Variants in CELSR1 observed in about 807,000 individuals in gnomAD.
CELSR1 encodes cadherin EGF LAG seven-pass G-type receptor 1.
A neutral mutation model predicts 249.1 loss-of-function variants in CELSR1; 110 were observed. The ratio of observed to expected loss-of-function variants is 0.44; its 90% CI spans 0.38 to 0.52. CELSR1 has a LOEUF of 0.52. Ranked by LOEUF, CELSR1 falls within the 20% of genes least tolerant of loss-of-function variation. The pLI is 0.00. For missense variants in CELSR1, 4,109 were observed against 4,296.4 expected, an observed-to-expected ratio of 0.96 and a Z score of 1.22; for synonymous variants, 2,113 against 1,900.0, an observed-to-expected ratio of 1.11 and a Z score of -2.92.
chr22:46,365,771 C>A, intron 30 of CELSR1, 82 bp from the exon 31 acceptor site: 1 of 1,029,214 alleles, frequency 9.7e-7, no homozygotes, highest in South Asian at 1.5e-5. Flanking sequence ...AGATTCTCTG[C>A]CCCTACCCCT....
At chr22:46,383,540 C>T (rs8138097) in intron 20 of CELSR1, among the ~76,000 whole-genome samples, 7 of 152,008 alleles carry the variant, frequency 4.6e-5, no homozygotes, top group Non-Finnish European at 4.4e-5. Context: ...AGCTTTCCCC[C>T]CAACCAGACA....
At chr22:46,378,773 C>G in intron 22 of CELSR1, 56 bp from the exon 23 acceptor site, 1 of 1,572,936 alleles carries the variant, frequency 6.4e-7, no homozygotes, top group South Asian at 1.1e-5. Flanking sequence ...GCCCATGAGT[C>G]TGTAAAGGGC....
At chr22:46,463,630 A>T in intron 2 of CELSR1, 77 bp downstream of exon 2, 1 of 1,407,574 alleles carries the variant, frequency 7.1e-7, no homozygotes. Context: ...GGAAGTAAAC[A>T]GAGGAAACCA....
rs754255878 is a variant in CELSR1 at position 46,535,719 on chromosome 22, C to A, written c.1452G>T (p.Thr484=). The A allele has an allele frequency of 1.6e-5, 26 of 1,612,756 alleles. No individual in the cohort carries two copies. Among genetic ancestry groups the A allele is most frequent in the African/African-American group, 2.7e-5 (2 of 75,060 alleles). Residue 484 remains threonine (T), a synonymous_variant, in exon 1 of 35, where the codon ACG becomes ACT. Coordinates refer to ENST00000674500, the MANE Select transcript of CELSR1 (RefSeq NM_001378328.1). The part of the protein sequence containing the change: ...LNTAVLRVQA[T]DRDQGQNAAI... ...CCGCGTTCTGGCCCTGGTCCCGGTCCGTGGCCTGCACTCGCAGCACAGCCG... is the reference window on the plus strand; with the variant it reads ...CCGCGTTCTGGCCCTGGTCCCGGTCAGTGGCCTGCACTCGCAGCACAGCCG...
At chr22:46,397,641 T>C (rs2079163732) in intron 12 of CELSR1, 33 bp downstream of exon 12, 3 of 1,423,264 alleles carry the variant, frequency 2.1e-6, no homozygotes, top group Non-Finnish European at 2.8e-6. Flanking sequence ...GAGACCTCCC[T>C]GTCACTGAAG....
At chr22:46,496,763 C>G (rs575075861) in intron 1 of CELSR1, among the ~76,000 whole-genome samples, 2 of 152,022 alleles carry the variant, frequency 1.3e-5, no homozygotes, top group Non-Finnish European at 2.9e-5. Flanking sequence ...TCAGAGGCAG[C>G]AGCACACAGG....
chr22:46,536,116 A>T lies in CELSR1; in HGVS notation c.1055T>A (p.Val352Asp). ...LVKDTNDHSP[V>D]FEQSEYRERV... ...CTCGCGGTACTCCGACTGCTCGAAG[A>T]CCGGGCTGTGGTCGTTGGTGTCTTT... Residue 352 changes from valine to aspartate, a missense_variant, in exon 1 of 35, where the codon GTC (valine) becomes GAC (aspartate). By Grantham distance (152) the Val-to-Asp change is radical. Coordinates refer to ENST00000674500, the MANE Select transcript of CELSR1 (RefSeq NM_001378328.1). 1 of 1,612,568 alleles carries T rather than the reference A, an allele frequency of 6.2e-7. No individual in the cohort carries two copies. Among genetic ancestry groups the T allele is most frequent in the Non-Finnish European group, 8.5e-7 (1 of 1,179,986 alleles).
At chr22:46,501,879 T>C (rs1215999732) in intron 1 of CELSR1, among the ~76,000 whole-genome samples, 1 of 152,176 alleles carries the variant, frequency 6.6e-6, no homozygotes, top group African/African-American at 2.4e-5. Context: ...TCATCTGATC[T>C]GCACCCTCCA....
intron 9 of CELSR1, among the ~76,000 whole-genome samples, chr22:46,400,175 C>G (rs933758598): frequency 2.7e-5 from 4 of 149,234 alleles, no homozygotes; most frequent in African/African-American, 9.9e-5. Context: ...ACTAAAAATA[C>G]AAAAATTAGC....
At position 46,364,247 on chromosome 22, in the gene CELSR1, G is replaced by A. The variant is rs1213994893; in HGVS notation, c.8784C>T (p.Ile2928=). The change falls in exon 34 of 35, where the codon ATC becomes ATT. Residue 2928 remains isoleucine, a synonymous_variant. Transcript: ENST00000674500. ...SSQPPEQRKG[I]LKNKVTYPPP... is the part of the protein sequence containing the mutation. ...GCGGGTAGGTGACTTTATTTTTCAA[G>A]ATGCCTGGGAGGAGGAGACACGGCA... 6.2e-7 allele frequency: 1 copy of A among 1,607,924 alleles called. No individual in the cohort carries two copies. The highest frequency in any genetic ancestry group is 8.5e-7 in the Non-Finnish European group (1 of 1,179,586).
rs1005973712 is a variant in CELSR1 at position 46,534,887 on chromosome 22, C to A, written c.2284G>T (p.Val762Leu). The A allele has an allele frequency of 8.7e-6, 14 of 1,612,642 alleles. 2 individuals carry two copies. The East Asian group carries it at 3.1e-4, about 36-fold the overall frequency. Reference sequence around the variant, plus strand: ...GACCGTGTGCCGTCGGATGCTGTCACCGCCAGCACGTACTGCTGCTCCTGC... The same window carrying A: ...GACCGTGTGCCGTCGGATGCTGTCAACGCCAGCACGTACTGCTGCTCCTGC... ...YKQEQQYVLA[V>L]TASDGTRSHT... is the part of the protein sequence containing the mutation. The change falls in exon 1 of 35, where the codon GTG becomes TTG. Residue 762 changes from valine (V) to leucine (L), a missense_variant. This residue lies in a region of CELSR1 where 886 missense variants were observed against 896.5 expected (regional missense o/e 0.99). Coordinates refer to ENST00000674500, the MANE Select transcript of CELSR1 (RefSeq NM_001378328.1). The surrounding 1 kb of genome is among the most constrained non-coding windows in gnomAD (Gnocchi z 9.7).
In CELSR1 at chr22:46,536,574, C is replaced by A. The variant is rs910587921; in HGVS notation, c.597G>T (p.Ala199=). The A allele has an allele frequency of 7.8e-7, 1 of 1,282,598 alleles. No homozygotes were observed. Among genetic ancestry groups the A allele is most frequent in the East Asian group, 3.4e-5 (1 of 29,450 alleles). 79.5% of individuals were successfully genotyped at this position (1,282,598 alleles called of 1,614,324 possible). The change falls in exon 1 of 35, where the codon GCG becomes GCT. Residue 199 remains alanine, a synonymous_variant. Coordinates refer to ENST00000674500, the MANE Select transcript of CELSR1 (RefSeq NM_001378328.1). ...GCGTCCCCGCGGTGGCGGCCTCCAGCGCCAGTCCCACCCGGACGGCGCCAG... is the reference window on the plus strand; with the variant it reads ...GCGTCCCCGCGGTGGCGGCCTCCAGAGCCAGTCCCACCCGGACGGCGCCAG... ...RAAGAVRVGL[A]LEAATAGTPS...
At chr22:46,529,253 G>A (rs1015655436) in intron 1 of CELSR1, among the ~76,000 whole-genome samples, 14 of 151,068 alleles carry the variant, frequency 9.3e-5, no homozygotes, top group Non-Finnish European at 1.6e-4. Context: ...GCAGCAGAGT[G>A]AGACTCCATT....
At position 46,382,046 on chromosome 22, in the gene CELSR1, G is replaced by A. The variant is rs35626937; in HGVS notation, c.6888C>T (p.Gly2296=). Residue 2296 remains glycine (G), a synonymous_variant, in exon 21 of 35, where the codon GGC becomes GGT. Transcript: ENST00000674500. ...DFFRPPEEKE[G]PLLRPAGRRT... ...TCCGGCCAGCCGGCCTCAGCAGGGG[G>A]CCTTCTGCAATGTGAGCAGAAGGTG... 1.5e-3 allele frequency: 2,275 copies of A among 1,534,482 alleles called. 2 individuals carry two copies. Among genetic ancestry groups the A allele is most frequent in the Admixed American group, 2.0e-3 (101 of 50,578 alleles).
chr22:46,455,997 G>C (rs962612265), intron 2 of CELSR1, among the ~76,000 whole-genome samples: 38 of 152,232 alleles, frequency 2.5e-4, no homozygotes, highest in Admixed American at 1.0e-3. Flanking sequence ...ACCAAGGAGA[G>C]AAAAACTTGA....
At chr22:46,415,475 A>T (rs957699335) in intron 5 of CELSR1, among the ~76,000 whole-genome samples, 3 of 152,148 alleles carry the variant, frequency 2.0e-5, no homozygotes, top group Non-Finnish European at 4.4e-5. Context: ...ATATTTTATT[A>T]TTTTTTAAAA....
intron 5 of CELSR1, among the ~76,000 whole-genome samples, chr22:46,418,247 G>A (rs1448067571): frequency 1.3e-5 from 2 of 152,190 alleles, no homozygotes; most frequent in East Asian, 1.9e-4. Context: ...TTGGGAGGCC[G>A]AGGTGGGCGG....
chr22:46,422,547 A>C (rs1037095438), intron 5 of CELSR1, among the ~76,000 whole-genome samples: 2 of 151,352 alleles, frequency 1.3e-5, no homozygotes, highest in African/African-American at 4.8e-5. Flanking sequence ...ATCCTGGCCA[A>C]CACGGTGAAA....
At chr22:46,489,678 C>T (rs889426357) in intron 1 of CELSR1, among the ~76,000 whole-genome samples, 6 of 151,944 alleles carry the variant, frequency 3.9e-5, no homozygotes, top group African/African-American at 1.2e-4. Flanking sequence ...TTTGGGAGGC[C>T]GAGACAGGTG....
Sources: gnomAD v4.1 joint callset for allele counts (sites outside exome capture counted in the v4.1 genomes callset) on GRCh38, gnomAD v4.1.1 for gene constraint, gnomAD v4.1.1 regional missense constraint, Gnocchi (gnomAD v3.1) non-coding constraint, MANE v1.5 for transcripts, NCBI Gene and HGNC (gene_info 2026-07-23, HGNC 2026-07-21) for gene names.